The following PPHLN1 variants were observed in gnomAD, a reference collection of about 807,000 sequenced individuals.
PPHLN1 encodes the protein periphilin 1.
A neutral mutation model predicts 51.3 loss-of-function variants in PPHLN1; 29 were observed. The observed-to-expected ratio is 0.57, with a 90% CI of 0.42 to 0.77. The LOEUF is 0.77. Among genes scored for constraint, PPHLN1 ranks in the 30% least tolerant of loss-of-function variants. The pLI is 0.00. For synonymous variants in PPHLN1, 147 were observed against 147.8 expected (o/e 0.99, Z 0.04); for missense variants, 436 against 438.4 (o/e 0.99, Z 0.05).
intron 1 of PPHLN1, 88 bp from the exon 2 acceptor site, chr12:42,335,795 T>C (rs2070538713): frequency 6.6e-6 from 4 of 610,044 alleles, no homozygotes; most frequent in Non-Finnish European, 1.0e-5. Context: ...CTGGAAAATA[T>C]TTGTGTTGGA....
intron 2 of PPHLN1, among the ~76,000 whole-genome samples, chr12:42,337,267 CT>C (rs569605996): frequency 7.2e-4 from 95 of 131,898 alleles, no homozygotes; most frequent in Non-Finnish European, 8.9e-4. Context: ...TTTCTTTTTT[CT>C]TTTTTTTTTT....
intron 4 of PPHLN1, among the ~76,000 whole-genome samples, chr12:42,356,359 G>T (rs1461365240): frequency 6.6e-6 from 1 of 152,222 alleles, no homozygotes; most frequent in African/African-American, 2.4e-5. Flanking sequence ...GATGGTGACT[G>T]TGCACACAGT....
intron 7 of PPHLN1, among the ~76,000 whole-genome samples, chr12:42,393,361 A>G (rs1215799378): frequency 6.6e-6 from 1 of 152,128 alleles, no homozygotes; most frequent in African/African-American, 2.4e-5. Flanking sequence ...GAAATTAAGA[A>G]TTAGATCTGG....
chr12:42,381,233 G>C (rs776372824), intron 5 of PPHLN1, among the ~76,000 whole-genome samples: 4 of 152,196 alleles, frequency 2.6e-5, no homozygotes, highest in Non-Finnish European at 4.4e-5. Flanking sequence ...TTGGCTATGA[G>C]TTTTCTAGCT....
chr12:42,446,340 T>A, downstream of PPHLN1: 1 of 1,526,252 alleles, frequency 6.6e-7, no homozygotes, highest in Non-Finnish European at 8.8e-7. Context: ...GTACCTACTA[T>A]ACCCTATTAA....
intron 9 of PPHLN1, among the ~76,000 whole-genome samples, chr12:42,402,830 T>A (rs2078960173): frequency 6.6e-6 from 1 of 152,210 alleles, no homozygotes; most frequent in Non-Finnish European, 1.5e-5. Context: ...GGTGTTAGAT[T>A]TAATTGTAAG....
At chr12:42,445,367 G>A (rs1020337840), downstream of PPHLN1, 41 of 491,670 alleles carry the variant, frequency 8.3e-5, no homozygotes, top group South Asian at 7.5e-4. Flanking sequence ...TCACAGGCAC[G>A]TCCCCTCCTT....
In PPHLN1 at chr12:42,351,977, T is replaced by C; in HGVS notation, c.165T>C (p.His55=). Residue 55 remains histidine (H), a synonymous_variant, in exon 3 of 10, where the codon CAT becomes CAC. Coordinates refer to ENST00000358314, the MANE Select transcript of PPHLN1 (RefSeq NM_201439.2). ...GAAGCTACAATAGATATTACAGTCA[T>C]GTTGATTACCGAGACTATGACGAGG... ...GEGSYNRYYS[H]VDYRDYDEGR... 2 of 1,578,754 alleles carry C rather than the reference T, an allele frequency of 1.3e-6. No homozygotes were observed. The highest frequency in any genetic ancestry group is 1.2e-5 in the South Asian group (1 of 83,804).
chr12:42,332,563 G>T, intron 1 of PPHLN1: 1 of 820,862 alleles, frequency 1.2e-6, no homozygotes, highest in Non-Finnish European at 1.9e-6. Context: ...TGGCCTGAGA[G>T]TTCTGTTTAT....
intron 3 of PPHLN1, among the ~76,000 whole-genome samples, chr12:42,353,902 T>C (rs1359441052): frequency 2.8e-4 from 42 of 152,220 alleles, no homozygotes; most frequent in Admixed American, 2.7e-3. Flanking sequence ...TTTGTCTTTA[T>C]ACTTTTGTGT....
At chr12:42,401,355 G>A (rs1592744206) in intron 9 of PPHLN1, among the ~76,000 whole-genome samples, 1 of 152,006 alleles carries the variant, frequency 6.6e-6, no homozygotes, top group Non-Finnish European at 1.5e-5. Context: ...AACCTCTTTG[G>A]CTCTTTCAGA....
chr12:42,350,394 A>T, intron 2 of PPHLN1: 1 of 160,688 alleles, frequency 6.2e-6, no homozygotes. Flanking sequence ...GGCTCCTCAC[A>T]TCCCAGACGA....
chr12:42,404,283 C>T (rs1403323004), intron 9 of PPHLN1, among the ~76,000 whole-genome samples: 1 of 152,148 alleles, frequency 6.6e-6, no homozygotes, highest in Non-Finnish European at 1.5e-5. Context: ...AATCCCAGCA[C>T]TTTGGGGGGC....
chr12:42,355,269 CTG>C, intron 4 of PPHLN1, 47 bp downstream of exon 4: 1 of 1,489,526 alleles, frequency 6.7e-7, no homozygotes, highest in Non-Finnish European at 9.4e-7. Context: ...ACTTGACTCA[CTG>C]TGATGTCTGC....
chr12:42,367,896 G>A lies in PPHLN1; in HGVS notation c.300-6967G>A, dbSNP rs1051723470. Among the ~76,000 whole-genome samples the A allele has an allele frequency of 4.6e-5, 7 of 152,096 alleles. No individual in the cohort carries two copies. The East Asian group carries it at 1.2e-3, about 25-fold the overall frequency. On this transcript the variant is annotated intron_variant, in intron 4 of 9. Coordinates refer to ENST00000358314, the MANE Select transcript of PPHLN1 (RefSeq NM_201439.2). ...ACTACAGGTGTGCACCACCATGCCC[G>A]GCTAATTTTTGTATTTTTAATAGAC... is the stretch of plus-strand genomic sequence containing the variant.
intron 2 of PPHLN1, among the ~76,000 whole-genome samples, chr12:42,345,254 G>C (rs1244320032): frequency 6.6e-6 from 1 of 152,070 alleles, no homozygotes; most frequent in Non-Finnish European, 1.5e-5. Flanking sequence ...CACACTTAGA[G>C]GGTCTTGTAG....
intron 1 of PPHLN1, among the ~76,000 whole-genome samples, chr12:42,329,307 G>T (rs575733050): frequency 2.0e-5 from 3 of 151,770 alleles, no homozygotes; most frequent in African/African-American, 7.3e-5. Context: ...GGGTTTCACC[G>T]TGTTAGCCAG....
At chr12:42,371,020 T>C (rs558260418) in intron 4 of PPHLN1, among the ~76,000 whole-genome samples, 7 of 151,848 alleles carry the variant, frequency 4.6e-5, no homozygotes, top group African/African-American at 1.7e-4. Context: ...TGGCCAGGCC[T>C]GTCTGGAACT....
chr12:42,415,422 C>T lies in PPHLN1; in HGVS notation c.909+16428C>T, dbSNP rs182221022. On this transcript the variant is annotated intron_variant, in intron 9 of 9. Coordinates refer to ENST00000358314, the MANE Select transcript of PPHLN1 (RefSeq NM_201439.2). ...TCCTGACCTCATGATTCACCCGCCTCGGCCTCCCAAAGTGCTGCGATTACA... is the reference window on the plus strand; with the variant it reads ...TCCTGACCTCATGATTCACCCGCCTTGGCCTCCCAAAGTGCTGCGATTACA... Among the ~76,000 whole-genome samples, 257 of 152,324 alleles carry T rather than the reference C, an allele frequency of 1.7e-3. 3 individuals carry two copies. The highest frequency in any genetic ancestry group is 5.7e-3 in the African/African-American group (238 of 41,564).
Sources: allele counts gnomAD v4.1 joint callset (sites outside exome capture counted in the v4.1 genomes callset), GRCh38; gene constraint gnomAD v4.1.1; transcripts MANE v1.5; gene names NCBI Gene and HGNC (gene_info 2026-07-23, HGNC 2026-07-21).